NALF1: variants seen among roughly 807,000 people sequenced by gnomAD.
The protein encoded by NALF1 is NALCN channel auxiliary factor 1, also known as family with sequence similarity 155 member A.
Under a neutral mutation model 48.4 loss-of-function variants are expected in NALF1, and 3 were observed. That is an observed-to-expected ratio of 0.06 (90% CI 0.03 to 0.16). NALF1 has a LOEUF of 0.16. NALF1 is among the 10% of genes least tolerant of loss of function. NALF1 has a pLI of 1.00. For synonymous variants in NALF1, 262 were observed against 245.7 expected (o/e 1.07, Z -0.62); for missense variants, 526 against 571.5 (o/e 0.92, Z 0.81).
At chr13:107,583,829 C>T (rs567077118) in intron 1 of NALF1, among the ~76,000 whole-genome samples, 3 of 152,230 alleles carry the variant, frequency 2.0e-5, no homozygotes, top group Non-Finnish European at 1.5e-5. Flanking sequence ...ACCCTGTAAC[C>T]TTTCTTTCCC....
At chr13:107,341,758 T>C (rs867836352) in intron 1 of NALF1, among the ~76,000 whole-genome samples, 1 of 151,452 alleles carries the variant, frequency 6.6e-6, no homozygotes, top group Non-Finnish European at 1.5e-5. Context: ...TAACCATCTA[T>C]AATGTGTGTG....
At chr13:107,274,352 C>T (rs1240414090) in intron 1 of NALF1, among the ~76,000 whole-genome samples, 1 of 152,092 alleles carries the variant, frequency 6.6e-6, no homozygotes, top group African/African-American at 2.4e-5. Flanking sequence ...AGGAGGATCA[C>T]TTGAGGCTAG....
At chr13:107,768,505 C>T (rs1877480970) in intron 1 of NALF1, among the ~76,000 whole-genome samples, 2 of 152,060 alleles carry the variant, frequency 1.3e-5, no homozygotes, top group Non-Finnish European at 2.9e-5. Flanking sequence ...AATCTTGAGA[C>T]TTATTTTTTT....
chr13:107,502,393 A>T (rs1019470554), intron 1 of NALF1, among the ~76,000 whole-genome samples: 1 of 152,162 alleles, frequency 6.6e-6, no homozygotes, highest in Non-Finnish European at 1.5e-5. Context: ...TTATGTAAAG[A>T]CATCATATTG....
chr13:107,722,365 C>A (rs149921049), intron 1 of NALF1, among the ~76,000 whole-genome samples: 3 of 152,152 alleles, frequency 2.0e-5, no homozygotes, highest in African/African-American at 7.2e-5. Context: ...TCCTTGATAT[C>A]TATTCCAGAA....
At chr13:107,291,560 T>C (rs1311160849) in intron 1 of NALF1, among the ~76,000 whole-genome samples, 3 of 152,016 alleles carry the variant, frequency 2.0e-5, no homozygotes, top group African/African-American at 7.2e-5. Context: ...ATTATGTATA[T>C]GCAAATATTT....
At chr13:107,363,423 G>T (rs188868887) in intron 1 of NALF1, among the ~76,000 whole-genome samples, 2 of 152,050 alleles carry the variant, frequency 1.3e-5, no homozygotes, top group Non-Finnish European at 2.9e-5. Flanking sequence ...GTGAGACCAC[G>T]TTTCTACAAA....
intron 1 of NALF1, among the ~76,000 whole-genome samples, chr13:107,537,717 C>T (rs752060073): frequency 7.2e-5 from 11 of 152,014 alleles, no homozygotes; most frequent in Non-Finnish European, 1.3e-4. Flanking sequence ...GTAAGTGGGG[C>T]CAAATTCTTC....
chr13:107,198,179 A>C (rs956830668), intron 2 of NALF1, among the ~76,000 whole-genome samples: 1 of 152,174 alleles, frequency 6.6e-6, no homozygotes, highest in South Asian at 2.1e-4. Context: ...AGCAGAAACT[A>C]CAGAGAGTGG....
intron 1 of NALF1, among the ~76,000 whole-genome samples, chr13:107,545,484 C>CT (rs1877111916): frequency 6.6e-6 from 1 of 152,116 alleles, no homozygotes; most frequent in South Asian, 2.1e-4. Flanking sequence ...AGCCAATAGA[C>CT]TACAGCAGAG....
At chr13:107,202,375 GATATTAT>G (rs1364535100) in intron 2 of NALF1, among the ~76,000 whole-genome samples, 3 of 148,762 alleles carry the variant, frequency 2.0e-5, no homozygotes, top group East Asian at 3.9e-4. Flanking sequence ...ATATGGTATA[GATATTAT>G]ATATTATATA....
chr13:107,542,634 T>C (rs1219999690), intron 1 of NALF1, among the ~76,000 whole-genome samples: 4 of 152,138 alleles, frequency 2.6e-5, no homozygotes, highest in Admixed American at 2.6e-4. Context: ...ATGTGATTAG[T>C]ATAAAGTCTG....
chr13:107,705,021 C>G (rs1396994096), intron 1 of NALF1, among the ~76,000 whole-genome samples: 1 of 152,152 alleles, frequency 6.6e-6, no homozygotes, highest in African/African-American at 2.4e-5. Flanking sequence ...CTTGTCCACA[C>G]GATGTGCCAG....
intron 2 of NALF1, among the ~76,000 whole-genome samples, chr13:107,205,118 C>G (rs761507661): frequency 7.9e-5 from 12 of 152,004 alleles, no homozygotes; most frequent in Non-Finnish European, 1.5e-4. Context: ...AACTCGTCAT[C>G]TAGCATTAGG....
chr13:107,262,769 G>GCGCT (rs36027059), intron 1 of NALF1, among the ~76,000 whole-genome samples: 2,130 of 143,916 alleles, frequency 0.015, 22 homozygotes, highest in Middle Eastern at 0.063. Context: ...ACCCACAGGC[G>GCGCT]CTCTCTCTCT....
chr13:107,764,338 T>A (rs886462981), intron 1 of NALF1, among the ~76,000 whole-genome samples: 1 of 152,200 alleles, frequency 6.6e-6, no homozygotes. Flanking sequence ...GTATACGTGA[T>A]GTTGCATAAT....
At chr13:107,181,269 T>C (rs1879054179) in intron 2 of NALF1, among the ~76,000 whole-genome samples, 2 of 151,500 alleles carry the variant, frequency 1.3e-5, no homozygotes, top group Non-Finnish European at 3.0e-5. Context: ...TGTAACAATA[T>C]TGAATTGAAT....
chr13:107,496,548 T>C (rs1164790203), intron 1 of NALF1, among the ~76,000 whole-genome samples: 1 of 152,158 alleles, frequency 6.6e-6, no homozygotes, highest in Non-Finnish European at 1.5e-5. Flanking sequence ...TTCTGTTTAA[T>C]CATGTTCAGT....
intron 1 of NALF1, among the ~76,000 whole-genome samples, chr13:107,664,075 A>G (rs1034423533): frequency 3.3e-5 from 5 of 152,108 alleles, no homozygotes; most frequent in Admixed American, 2.6e-4. Flanking sequence ...TCTGGTTAAT[A>G]TTTAATAGAC....
Sources: gnomAD v4.1 joint callset for allele counts (sites outside exome capture counted in the v4.1 genomes callset) on GRCh38, gnomAD v4.1.1 for gene constraint, MANE v1.5 for transcripts, NCBI Gene and HGNC (gene_info 2026-07-23, HGNC 2026-07-21) for gene names.